The following IP6K1 variants were observed in gnomAD, a reference collection of about 807,000 sequenced individuals.
IP6K1 encodes the protein ATP:1D-myo-inositol-hexakisphosphate phosphotransferase.
A neutral mutation model predicts 38.3 loss-of-function variants in IP6K1; 13 were observed. The observed-to-expected ratio is 0.34, with a 90% CI of 0.22 to 0.54. The LOEUF (loss-of-function observed/expected upper bound fraction) is 0.54. Among genes scored for constraint, IP6K1 ranks in the 20% least tolerant of loss-of-function variants. The pLI is 0.92. For missense variants in IP6K1, 397 were observed against 599.8 expected (o/e 0.66, Z 3.53); for synonymous variants, 212 against 229.9 (o/e 0.92, Z 0.70).
intron 1 of IP6K1, among the ~76,000 whole-genome samples, chr3:49,767,477 G>A (rs189437367): frequency 6.6e-6 from 1 of 152,138 alleles, no homozygotes; most frequent in East Asian, 1.9e-4. Context: ...GTACTCGGGG[G>A]GCTAAAACAG....
At chr3:49,742,466 G>A (rs922985363) in intron 2 of IP6K1, among the ~76,000 whole-genome samples, 3 of 151,724 alleles carry the variant, frequency 2.0e-5, no homozygotes, top group South Asian at 2.1e-4. Context: ...GGAGAATGGC[G>A]TGAGCCCGGG....
At chr3:49,777,410 A>C (rs2081025899) in intron 1 of IP6K1, among the ~76,000 whole-genome samples, 1 of 150,632 alleles carries the variant, frequency 6.6e-6, no homozygotes, top group Admixed American at 6.6e-5. Flanking sequence ...AAAAATACAA[A>C]AAATTAGCCG....
In IP6K1 at chr3:49,769,701, G is replaced by C. The variant is rs981573378; in HGVS notation, c.-129+16653C>G. Among the ~76,000 whole-genome samples, 5 of 152,274 alleles carry C rather than the reference G, an allele frequency of 3.3e-5. No individual in the cohort carries two copies. The East Asian group carries it at 5.8e-4, about 18-fold the overall frequency. On this transcript the variant is annotated intron_variant, in intron 1 of 5. Transcript: ENST00000321599. ...TGGCAGAAGTGACAGTGTATGACTA[G>C]GTCATAAGAGGCTTCATGGTTTCTT...
intron 1 of IP6K1, chr3:49,775,393 C>T (rs1388566761): frequency 8.2e-6 from 3 of 365,408 alleles, no homozygotes; most frequent in Admixed American, 7.2e-5. Flanking sequence ...TGACTTTGTG[C>T]GTCCCTGCAC....
At chr3:49,780,855 A>G (rs1244291119) in intron 1 of IP6K1, among the ~76,000 whole-genome samples, 1 of 152,152 alleles carries the variant, frequency 6.6e-6, no homozygotes, top group South Asian at 2.1e-4. Flanking sequence ...GCAGAAATTC[A>G]TAGCCACCAA....
At chr3:49,785,310 A>G (rs1300462027) in intron 1 of IP6K1, among the ~76,000 whole-genome samples, 1 of 152,096 alleles carries the variant, frequency 6.6e-6, no homozygotes, top group Non-Finnish European at 1.5e-5. Context: ...GTTCGAGACC[A>G]GCCTGGCCAA....
At chr3:49,771,207 A>C (rs2080956463) in intron 1 of IP6K1, among the ~76,000 whole-genome samples, 1 of 148,522 alleles carries the variant, frequency 6.7e-6, no homozygotes. Flanking sequence ...AAAAAAAAAA[A>C]AAAAACCCTG....
intron 1 of IP6K1, among the ~76,000 whole-genome samples, chr3:49,759,477 T>G (rs185635289): frequency 6.6e-6 from 1 of 152,142 alleles, no homozygotes; most frequent in African/African-American, 2.4e-5. Context: ...TGTGTTCCTA[T>G]TGGACCTCCA....
chr3:49,772,198 AC>A (rs1387983916), intron 1 of IP6K1, among the ~76,000 whole-genome samples: 1 of 143,488 alleles, frequency 7.0e-6, no homozygotes, highest in African/African-American at 2.6e-5. Flanking sequence ...GGGTGACAAA[AC>A]AAGACCCTTT....
chr3:49,741,135 C>A (rs1434884548), intron 2 of IP6K1, among the ~76,000 whole-genome samples: 1 of 152,164 alleles, frequency 6.6e-6, no homozygotes, highest in Admixed American at 6.5e-5. Context: ...TGAGCCACTG[C>A]ACCTGGCCAC....
At chr3:49,749,065 G>C (rs1218546668) in intron 1 of IP6K1, 1 of 152,234 alleles carries the variant, frequency 6.6e-6, no homozygotes, top group African/African-American at 2.4e-5. Flanking sequence ...TGGTCTGACA[G>C]GAGGCAGAGC....
At chr3:49,760,759 G>C (rs1189098009) in intron 1 of IP6K1, among the ~76,000 whole-genome samples, 1 of 151,844 alleles carries the variant, frequency 6.6e-6, no homozygotes, top group African/African-American at 2.4e-5. Context: ...ACTCTCATGT[G>C]ACATCAGGAA....
chr3:49,771,318 G>A (rs2080957529), intron 1 of IP6K1, among the ~76,000 whole-genome samples: 1 of 151,438 alleles, frequency 6.6e-6, no homozygotes, highest in Non-Finnish European at 1.5e-5. Flanking sequence ...GGCAACATAG[G>A]GAGGCCCTAT....
At chr3:49,731,958 C>T (rs2080566621) in intron 4 of IP6K1, among the ~76,000 whole-genome samples, 1 of 145,994 alleles carries the variant, frequency 6.8e-6, no homozygotes, top group Non-Finnish European at 1.5e-5. Flanking sequence ...GAGACAGGGT[C>T]TTGCTGTGTT....
chr3:49,731,907 G>GAAAAAAAAAAAAAAAAAAAAAAAAA (rs1277207284), intron 4 of IP6K1, among the ~76,000 whole-genome samples: 6 of 69,086 alleles, frequency 8.7e-5, no homozygotes, highest in Admixed American at 1.8e-4. Flanking sequence ...AAAAAAAAAG[G>GAAAAAAAAAAAAAAAAAAAAAAAAA]AATTCCTATG....
chr3:49,752,657 T>A (rs912844832), intron 1 of IP6K1, among the ~76,000 whole-genome samples: 3 of 151,896 alleles, frequency 2.0e-5, no homozygotes, highest in Non-Finnish European at 2.9e-5. Flanking sequence ...GGGTTTCTCA[T>A]GTTGGCCAGA....
chr3:49,759,808 C>T (rs1209797202), intron 1 of IP6K1, among the ~76,000 whole-genome samples: 1 of 152,180 alleles, frequency 6.6e-6, no homozygotes, highest in Non-Finnish European at 1.5e-5. Context: ...GGTGAACAAC[C>T]AGCATAATGC....
intron 1 of IP6K1, among the ~76,000 whole-genome samples, chr3:49,781,713 C>T (rs567594321): frequency 2.0e-5 from 3 of 152,260 alleles, no homozygotes; most frequent in Middle Eastern, 3.4e-3. Context: ...CACATTAGGA[C>T]ATCAGATCTC....
At chr3:49,750,395 A>G (rs2080762460) in intron 1 of IP6K1, among the ~76,000 whole-genome samples, 2 of 152,206 alleles carry the variant, frequency 1.3e-5, no homozygotes, top group African/African-American at 4.8e-5. Flanking sequence ...ATGGTGCAGG[A>G]GGAGAGTCAA....
Sources: gnomAD v4.1 joint callset for allele counts (sites outside exome capture counted in the v4.1 genomes callset) on GRCh38, gnomAD v4.1.1 for gene constraint, MANE v1.5 for transcripts, NCBI Gene and HGNC (gene_info 2026-07-23, HGNC 2026-07-21) for gene names.